MID2: variants seen among roughly 807,000 people sequenced by gnomAD.
MID2 encodes the protein probable E3 ubiquitin-protein ligase MID2.
Under a neutral mutation model 46.1 loss-of-function variants are expected in MID2, and 13 were observed. The observed-to-expected ratio is 0.28, with a 90% CI of 0.18 to 0.45. MID2 has a LOEUF of 0.45. MID2 is among the 20% of genes least tolerant of loss of function. The probability of loss-of-function intolerance (pLI) is 1.00; values close to 1 mark genes in which losing one functional copy is unlikely to be tolerated. For missense variants in MID2, 431 were observed against 575.4 expected (o/e 0.75, Z 2.57); for synonymous variants, 199 against 212.3 (o/e 0.94, Z 0.55).
rs1933171476 is a variant in MID2 at position 107,926,125 on chromosome X, T to A, written c.1629T>A (p.Thr543=). The change falls in exon 9 of 10, where the codon ACT becomes ACA. Residue 543 remains threonine, a synonymous_variant. Coordinates refer to ENST00000262843, the MANE Select transcript of MID2 (RefSeq NM_012216.4). ...SQPFKLDPKM[T]HKKLKISNDG... is the part of the protein sequence containing the mutation. Reference sequence around the variant, plus strand: ...CCTTTAAATTGGATCCCAAAATGACTCACAAGAAGTTGAAGATCTCCAATG... The same window carrying A: ...CCTTTAAATTGGATCCCAAAATGACACACAAGAAGTTGAAGATCTCCAATG... 1 of 1,203,370 alleles carries A rather than the reference T, an allele frequency of 8.3e-7. No homozygotes were observed. The highest frequency in any genetic ancestry group is 2.2e-5 in the Admixed American group (1 of 45,258).
At chrX:107,826,465 C>G in intron 1 of MID2, 35 bp downstream of exon 1, 2 of 1,129,233 alleles carry the variant, frequency 1.8e-6, no homozygotes, top group Non-Finnish European at 1.2e-6. Flanking sequence ...CCCTGGAGGT[C>G]GAGCGTCGTA....
At chrX:107,917,139 CTA>C (rs756442273) in intron 6 of MID2, among the ~76,000 whole-genome samples, 2 of 109,444 alleles carry the variant, frequency 1.8e-5, no homozygotes, top group Admixed American at 9.7e-5. Context: ...AAAAATCTGT[CTA>C]TATATATATA....
In MID2 at chrX:107,826,345, C is replaced by A; in HGVS notation, c.-82C>A. On this transcript the variant is annotated 5_prime_UTR_variant, in exon 1 of 10. Transcript: ENST00000262843. Reference sequence around the variant, plus strand: ...CGGGGCCCGGGAGCTCGCGCCGGAGCCCGAGCCAACCCGCTGCGGAGGCAG... The same window carrying A: ...CGGGGCCCGGGAGCTCGCGCCGGAGACCGAGCCAACCCGCTGCGGAGGCAG... 1 of 1,081,262 alleles carries A rather than the reference C, an allele frequency of 9.2e-7. No homozygotes were observed. Among genetic ancestry groups the A allele is most frequent in the Non-Finnish European group, 1.2e-6 (1 of 823,237 alleles). 89.1% of individuals were successfully genotyped at this position (1,081,262 alleles called of 1,213,427 possible).
intron 3 of MID2, among the ~76,000 whole-genome samples, chrX:107,900,490 C>T (rs1371789780): frequency 9.0e-6 from 1 of 111,202 alleles, no homozygotes; most frequent in Non-Finnish European, 1.9e-5. Flanking sequence ...CACATCACAA[C>T]AGCCTCCTAA....
chrX:107,884,209 G>T lies in MID2; in HGVS notation c.817-19749G>T, dbSNP rs1395187446. On this transcript the variant is annotated intron_variant, in intron 3 of 9. Coordinates refer to ENST00000262843, the MANE Select transcript of MID2 (RefSeq NM_012216.4). ...GAGTTGAAATGCCAGCTATCCTATAGATGAGTAAGTAGAGACATAAATCAA... is the reference window on the plus strand; with the variant it reads ...GAGTTGAAATGCCAGCTATCCTATATATGAGTAAGTAGAGACATAAATCAA... 2.7e-5 allele frequency among the ~76,000 whole-genome samples: 3 copies of T among 112,340 alleles called. No homozygotes were observed. In the East Asian group the frequency reaches 8.3e-4, roughly 31 times the overall value.
At chrX:107,844,911 T>C (rs1931427385) in intron 2 of MID2, among the ~76,000 whole-genome samples, 1 of 112,248 alleles carries the variant, frequency 8.9e-6, no homozygotes, top group African/African-American at 3.2e-5. Flanking sequence ...TAATGTCTTG[T>C]ATTTCTTTAG....
intron 5 of MID2, among the ~76,000 whole-genome samples, chrX:107,911,808 G>A (rs1037024649): frequency 2.7e-5 from 3 of 111,524 alleles, no homozygotes; most frequent in African/African-American, 9.8e-5. Context: ...AGTTCTGTAG[G>A]TCTTTTCTCT....
intron 2 of MID2, among the ~76,000 whole-genome samples, chrX:107,846,840 T>A (rs1402952544): frequency 1.8e-5 from 2 of 112,323 alleles, no homozygotes; most frequent in Non-Finnish European, 3.8e-5. Flanking sequence ...CACCAATATT[T>A]GAAAGGAGCT....
Position 107,927,237 on chromosome X carries a change from T to C in MID2, c.*164T>C, listed in dbSNP as rs966793509. 2.4e-6 allele frequency: 1 copy of C among 424,350 alleles called. No individual in the cohort carries two copies. Among genetic ancestry groups the C allele is most frequent in the Non-Finnish European group, 3.8e-6 (1 of 266,195 alleles). The allele number at this position is 424,350 out of a possible 1,213,427, so 35.0% of individuals were successfully genotyped here. Reference sequence around the variant, plus strand: ...ATTTTTGTGCATTAAAGCTTGTATTTGAATTAATTTATTGAGTTTTTCAGA... The same window carrying C: ...ATTTTTGTGCATTAAAGCTTGTATTCGAATTAATTTATTGAGTTTTTCAGA... On this transcript the variant is annotated 3_prime_UTR_variant, in exon 10 of 10. Transcript: ENST00000262843.
intron 3 of MID2, among the ~76,000 whole-genome samples, chrX:107,890,212 A>G (rs1880986293): frequency 8.9e-6 from 1 of 111,753 alleles, no homozygotes; most frequent in African/African-American, 3.3e-5. Context: ...TAGAGTTTCC[A>G]GTTTTTCTGC....
chrX:107,889,480 C>A (rs1228280419), intron 3 of MID2, among the ~76,000 whole-genome samples: 2 of 111,661 alleles, frequency 1.8e-5, no homozygotes, highest in East Asian at 5.6e-4. Flanking sequence ...GAGTTTCTGC[C>A]GAGAGATCCG....
chrX:107,841,464 C>T (rs1207544196), intron 2 of MID2, 79 bp downstream of exon 2: 1 of 739,183 alleles, frequency 1.4e-6, no homozygotes, highest in African/African-American at 2.1e-5. Flanking sequence ...AAATAGGTGA[C>T]TTTTCCTATA....
At chrX:107,841,512 A>T (rs1931347423) in intron 2 of MID2, 127 bp downstream of exon 2, 1 of 479,570 alleles carries the variant, frequency 2.1e-6, no homozygotes, top group East Asian at 3.7e-5. Context: ...CTCATGAGGA[A>T]TAACCTGCTC....
At chrX:107,837,015 A>T (rs995939952) in intron 1 of MID2, among the ~76,000 whole-genome samples, 1 of 111,327 alleles carries the variant, frequency 9.0e-6, no homozygotes, top group Non-Finnish European at 1.9e-5. Flanking sequence ...CCCAGGAAAA[A>T]TGCATATATG....
intron 1 of MID2, among the ~76,000 whole-genome samples, chrX:107,826,908 G>A (rs1318479773): frequency 8.8e-6 from 1 of 113,454 alleles, no homozygotes; most frequent in Non-Finnish European, 1.9e-5. Flanking sequence ...CGGACGCCCT[G>A]CCGGCGGGGA....
chrX:107,841,032 GA>G lies in MID2; in HGVS notation c.370del (p.Arg124GlyfsTer28). 2.5e-6 allele frequency: 3 copies of G among 1,211,587 alleles called. No homozygotes were observed. Among genetic ancestry groups the G allele is most frequent in the Non-Finnish European group, 3.4e-6 (3 of 895,468 alleles). On this transcript the variant is annotated frameshift_variant, in exon 2 of 10. Coordinates refer to ENST00000262843, the MANE Select transcript of MID2 (RefSeq NM_012216.4). LOFTEE classifies it high-confidence loss of function. ...GPNSPSESRR[E>X]RTYRPTTAMS... ...CAATTCCCCTAGTGAGAGCCGCCGGGAAAGGACTTACAGGCCCACCACTGCC... is the reference window on the plus strand; with the variant it reads ...CAATTCCCCTAGTGAGAGCCGCCGGGAAGGACTTACAGGCCCACCACTGCC...
At chrX:107,890,853 A>C (rs918056683) in intron 3 of MID2, among the ~76,000 whole-genome samples, 15 of 110,320 alleles carry the variant, frequency 1.4e-4, no homozygotes, top group African/African-American at 4.9e-4. Flanking sequence ...GCCACCTTGC[A>C]GTTTGATCTC....
chrX:107,832,434 T>C (rs1307172874), intron 1 of MID2, among the ~76,000 whole-genome samples: 1 of 112,257 alleles, frequency 8.9e-6, no homozygotes, highest in African/African-American at 3.2e-5. Flanking sequence ...CTTTTCTTAA[T>C]AACTTGCTTT....
At chrX:107,859,336 A>G (rs1002071821) in intron 3 of MID2, among the ~76,000 whole-genome samples, 2 of 112,208 alleles carry the variant, frequency 1.8e-5, no homozygotes, top group Admixed American at 9.5e-5. Flanking sequence ...TTGTTGGTGG[A>G]GCCCTCTTTA....
Sources: allele counts gnomAD v4.1 joint callset (sites outside exome capture counted in the v4.1 genomes callset), GRCh38; gene constraint gnomAD v4.1.1; transcripts MANE v1.5; gene names NCBI Gene and HGNC (gene_info 2026-07-23, HGNC 2026-07-21).